FAT3: variants seen among roughly 807,000 people sequenced by gnomAD.
FAT3 encodes the protein FAT atypical cadherin 3, also known as protocadherin Fat 3.
A neutral mutation model predicts 310.2 loss-of-function variants in FAT3; 95 were observed. The observed-to-expected ratio is 0.31, with a 90% CI of 0.26 to 0.36. The LOEUF is 0.36. Ranked by LOEUF, FAT3 falls within the 10% of genes least tolerant of loss-of-function variation. FAT3 has a pLI of 1.00. For synonymous variants in FAT3, 2,314 were observed against 2,192.9 expected, an observed-to-expected ratio of 1.06 and a Z score of -1.54; for missense variants, 5,408 against 5,715.6, an observed-to-expected ratio of 0.95 and a Z score of 1.74.
chr11:92,392,169 C>T (rs1949764866), intron 2 of FAT3, among the ~76,000 whole-genome samples: 1 of 152,164 alleles, frequency 6.6e-6, no homozygotes, highest in South Asian at 2.1e-4. Context: ...CGCACGCACA[C>T]ACGTTATATT....
intron 7 of FAT3, among the ~76,000 whole-genome samples, chr11:92,780,769 A>C (rs1422176104): frequency 6.6e-6 from 1 of 152,212 alleles, no homozygotes. Context: ...AGATTGTCTT[A>C]TAGTCAGCCA....
At chr11:92,871,479 A>G (rs932413650) in intron 22 of FAT3, among the ~76,000 whole-genome samples, 8 of 152,352 alleles carry the variant, frequency 5.3e-5, no homozygotes, top group African/African-American at 1.9e-4. Context: ...CTGTCTCTGA[A>G]CTGCCCTGAA....
intron 2 of FAT3, among the ~76,000 whole-genome samples, chr11:92,411,466 A>C (rs1950267174): frequency 6.6e-6 from 1 of 152,064 alleles, no homozygotes; most frequent in Non-Finnish European, 1.5e-5. Flanking sequence ...GTGTGTCTAC[A>C]TACCCACCAC....
intron 3 of FAT3, among the ~76,000 whole-genome samples, chr11:92,534,101 C>A (rs1185114714): frequency 6.6e-6 from 1 of 152,136 alleles, no homozygotes; most frequent in East Asian, 1.9e-4. Context: ...TCTCTCCATT[C>A]TTGGATGCCA....
intron 13 of FAT3, among the ~76,000 whole-genome samples, chr11:92,831,292 ATTTCTC>A (rs942248001): frequency 4.1e-4 from 62 of 152,142 alleles, no homozygotes; most frequent in African/African-American, 1.4e-3. Flanking sequence ...GTTGGTTTCT[ATTTCTC>A]TTTCTGTGCC....
intron 3 of FAT3, among the ~76,000 whole-genome samples, chr11:92,689,914 CA>C (rs950834844): frequency 2.0e-5 from 3 of 152,112 alleles, no homozygotes; most frequent in African/African-American, 7.2e-5. Flanking sequence ...GGACTTGACC[CA>C]AATGCTTCTA....
intron 1 of FAT3, among the ~76,000 whole-genome samples, chr11:92,289,367 G>T (rs990973133): frequency 1.3e-5 from 2 of 151,742 alleles, no homozygotes; most frequent in African/African-American, 4.8e-5. Context: ...TCTTTAAAGG[G>T]CATCTAAAAT....
At chr11:92,359,003 C>T (rs1948808487) in intron 2 of FAT3, among the ~76,000 whole-genome samples, 1 of 152,134 alleles carries the variant, frequency 6.6e-6, no homozygotes, top group South Asian at 2.1e-4. Context: ...CATTGGTTAG[C>T]AGCTCTCAAA....
chr11:92,453,273 A>G (rs1951407438), intron 2 of FAT3, among the ~76,000 whole-genome samples: 1 of 152,172 alleles, frequency 6.6e-6, no homozygotes, highest in South Asian at 2.1e-4. Flanking sequence ...TTTGCTTCCT[A>G]TTCACCAGTA....
At chr11:92,600,268 C>T (rs540067070) in intron 3 of FAT3, among the ~76,000 whole-genome samples, 2 of 152,208 alleles carry the variant, frequency 1.3e-5, no homozygotes, top group Non-Finnish European at 2.9e-5. Context: ...TATAGAGACC[C>T]CTAGTGAGGC....
At chr11:92,256,435 C>G (rs1183040790) in intron 1 of FAT3, among the ~76,000 whole-genome samples, 1 of 151,684 alleles carries the variant, frequency 6.6e-6, no homozygotes, top group African/African-American at 2.4e-5. Context: ...AAATGTGACT[C>G]ATTTATAGAG....
At chr11:92,539,723 G>A (rs1954378299) in intron 3 of FAT3, among the ~76,000 whole-genome samples, 1 of 152,162 alleles carries the variant, frequency 6.6e-6, no homozygotes, top group Non-Finnish European at 1.5e-5. Context: ...AGAATTATCT[G>A]TGCCCAGGGT....
intron 2 of FAT3, among the ~76,000 whole-genome samples, chr11:92,493,582 A>C (rs920965481): frequency 6.6e-6 from 1 of 152,082 alleles, no homozygotes. Flanking sequence ...CTAGGCCTCA[A>C]CTGGGAGGAC....
At chr11:92,887,816 C>T (rs947226957) in intron 25 of FAT3, among the ~76,000 whole-genome samples, 1 of 152,074 alleles carries the variant, frequency 6.6e-6, no homozygotes, top group Non-Finnish European at 1.5e-5. Context: ...CTCCCCAGGG[C>T]AGGGGAGGGA....
chr11:92,411,869 A>G (rs1344881085), intron 2 of FAT3, among the ~76,000 whole-genome samples: 3 of 151,984 alleles, frequency 2.0e-5, no homozygotes, highest in African/African-American at 7.3e-5. Context: ...GCCATATTTC[A>G]AGGAGGATAT....
At chr11:92,577,414 T>C (rs1246194944) in intron 3 of FAT3, among the ~76,000 whole-genome samples, 1 of 152,104 alleles carries the variant, frequency 6.6e-6, no homozygotes, top group African/African-American at 2.4e-5. Flanking sequence ...AGCCTATTTT[T>C]TCTTTTTAAG....
intron 1 of FAT3, among the ~76,000 whole-genome samples, chr11:92,307,566 T>C (rs149707207): frequency 6.6e-6 from 1 of 152,270 alleles, no homozygotes; most frequent in African/African-American, 2.4e-5. Context: ...CAGCATCTAA[T>C]ACTTGGAACC....
chr11:92,506,498 T>C (rs559466055), intron 2 of FAT3, among the ~76,000 whole-genome samples: 16 of 152,318 alleles, frequency 1.1e-4, no homozygotes, highest in African/African-American at 3.4e-4. Flanking sequence ...TAACTATAAC[T>C]AGCATCAGAA....
chr11:92,650,113 A>ATT (rs11357492), intron 3 of FAT3, among the ~76,000 whole-genome samples: 1 of 149,040 alleles, frequency 6.7e-6, no homozygotes, highest in African/African-American at 2.5e-5. Context: ...TTGAAATGCC[A>ATT]TTTTTTTTTT....
Sources: gnomAD v4.1 joint callset for allele counts (sites outside exome capture counted in the v4.1 genomes callset) on GRCh38, gnomAD v4.1.1 for gene constraint, MANE v1.5 for transcripts, NCBI Gene and HGNC (gene_info 2026-07-23, HGNC 2026-07-21) for gene names.